Variants in PAPPA2 observed in about 807,000 individuals in gnomAD.
PAPPA2 encodes the protein pappalysin-2.
Under a neutral mutation model 176.4 loss-of-function variants are expected in PAPPA2, and 86 were observed. That is an observed-to-expected ratio of 0.49 (90% CI 0.41 to 0.58). The LOEUF is 0.58. PAPPA2 is among the 20% of genes least tolerant of loss of function. The pLI, the probability that PAPPA2 is intolerant of heterozygous loss-of-function variation, is 0.00. For missense variants in PAPPA2, 2,073 were observed against 2,256.9 expected (o/e 0.92, Z 1.65); for synonymous variants, 809 against 852.2 (o/e 0.95, Z 0.88).
chr1:176,704,003 A>G (rs1349736997), intron 9 of PAPPA2, among the ~76,000 whole-genome samples: 2 of 152,010 alleles, frequency 1.3e-5, no homozygotes, highest in Non-Finnish European at 2.9e-5. Context: ...GTGGGTGACC[A>G]CTACTACACT....
At chr1:176,732,301 G>C (rs1165325731) in intron 12 of PAPPA2, among the ~76,000 whole-genome samples, 3 of 152,118 alleles carry the variant, frequency 2.0e-5, no homozygotes, top group African/African-American at 7.2e-5. Flanking sequence ...TTAGAAACTG[G>C]GAGAAAATAT....
chr1:176,773,927 A>G (rs901468413), intron 17 of PAPPA2, among the ~76,000 whole-genome samples: 2 of 152,144 alleles, frequency 1.3e-5, no homozygotes, highest in Admixed American at 1.3e-4. Context: ...GATGGCACGG[A>G]TGGCATATTC....
chr1:176,688,122 T>C (rs1377311644), intron 4 of PAPPA2, among the ~76,000 whole-genome samples: 2 of 152,258 alleles, frequency 1.3e-5, no homozygotes, highest in Non-Finnish European at 2.9e-5. Context: ...ATCCTATTTC[T>C]GAAGATTAGT....
chr1:176,671,526 A>G (rs1401029396), intron 4 of PAPPA2, among the ~76,000 whole-genome samples: 1 of 152,118 alleles, frequency 6.6e-6, no homozygotes, highest in Non-Finnish European at 1.5e-5. Context: ...ACTCCTGAGA[A>G]AAATCCCAGG....
chr1:176,830,417 T>G (rs535521475), intron 21 of PAPPA2, among the ~76,000 whole-genome samples: 1 of 152,218 alleles, frequency 6.6e-6, no homozygotes, highest in Non-Finnish European at 1.5e-5. Context: ...ATGCACAGGG[T>G]TTATTGCTGA....
At position 176,595,492 on chromosome 1, in the gene PAPPA2, G is replaced by C. The variant is rs370986927; in HGVS notation, c.1888G>C (p.Val630Leu). The change falls in exon 3 of 23, where the codon GTG becomes CTG. Residue 630 changes from valine (V) to leucine (L), a missense_variant. By Grantham distance (32) the Val-to-Leu change is conservative. Transcript: ENST00000367662. ...GAACCGCAGGGATGGGCTCTGTCAC[G>C]TGGAGTGTAACAACATGCTGAACGA... The part of the protein sequence containing the change: ...SWNRRDGLCH[V>L]ECNNMLNDFD... 6.2e-7 allele frequency: 1 copy of C among 1,614,118 alleles called. No homozygotes were observed. Among genetic ancestry groups the C allele is most frequent in the Non-Finnish European group, 8.5e-7 (1 of 1,180,050 alleles).
intron 3 of PAPPA2, among the ~76,000 whole-genome samples, chr1:176,619,567 T>C (rs1239395073): frequency 6.6e-6 from 1 of 152,204 alleles, no homozygotes; most frequent in Non-Finnish European, 1.5e-5. Context: ...ATAAAAGCAT[T>C]TATATATAAT....
At chr1:176,731,808 C>T (rs1662172076) in intron 12 of PAPPA2, among the ~76,000 whole-genome samples, 1 of 151,956 alleles carries the variant, frequency 6.6e-6, no homozygotes, top group Middle Eastern at 3.5e-3. Context: ...TACATTCTTA[C>T]ATCTTTTCAA....
chr1:176,471,971 G>A (rs2102466146), intron 1 of PAPPA2, among the ~76,000 whole-genome samples: 1 of 152,278 alleles, frequency 6.6e-6, no homozygotes, highest in Non-Finnish European at 1.5e-5. Context: ...GGATATGGGT[G>A]GCACATTAGA....
At chr1:176,689,802 T>C (rs1259167503) in intron 4 of PAPPA2, among the ~76,000 whole-genome samples, 2 of 152,154 alleles carry the variant, frequency 1.3e-5, no homozygotes, top group African/African-American at 4.8e-5. Flanking sequence ...TCATCTGGGG[T>C]AGTATTTGAA....
intron 21 of PAPPA2, among the ~76,000 whole-genome samples, chr1:176,817,336 CTG>C (rs1021974656): frequency 6.6e-6 from 1 of 152,162 alleles, no homozygotes; most frequent in Non-Finnish European, 1.5e-5. Context: ...ATGTGGAAAA[CTG>C]GAGTCTGCAG....
intron 1 of PAPPA2, among the ~76,000 whole-genome samples, chr1:176,473,029 T>C (rs1229369267): frequency 6.6e-6 from 1 of 152,176 alleles, no homozygotes; most frequent in Non-Finnish European, 1.5e-5. Context: ...CAATGACACA[T>C]CATTATCACC....
intron 3 of PAPPA2, among the ~76,000 whole-genome samples, chr1:176,623,302 G>A (rs1035004340): frequency 6.6e-6 from 1 of 152,154 alleles, no homozygotes; most frequent in African/African-American, 2.4e-5. Context: ...GGTCAGATAA[G>A]TCAATGTATC....
chr1:176,725,566 T>A (rs565898351), intron 12 of PAPPA2, among the ~76,000 whole-genome samples: 4 of 152,178 alleles, frequency 2.6e-5, no homozygotes, highest in Non-Finnish European at 5.9e-5. Flanking sequence ...AGTCATGTGC[T>A]ACAGATACAG....
intron 2 of PAPPA2, among the ~76,000 whole-genome samples, chr1:176,559,729 G>A (rs1419007358): frequency 6.6e-6 from 1 of 152,184 alleles, no homozygotes. Context: ...GTCCCTGGGA[G>A]CCACATACAA....
Position 176,595,193 on chromosome 1 carries a change from T to C in PAPPA2, c.1589T>C (p.Val530Ala), listed in dbSNP as rs1286704459. 46 of 1,613,990 alleles carry C rather than the reference T, an allele frequency of 2.9e-5. No individual in the cohort carries two copies. In the Admixed American group the frequency reaches 7.5e-4, roughly 26 times the overall value. ...RGEKVIRYQV[V>A]NICDDEGLNP... ...GAGAAGGTGATACGCTACCAGGTGG[T>C]GAACATCTGTGATGATGAGGGCCTA... The change falls in exon 3 of 23, where the codon GTG (valine) becomes GCG (alanine). Residue 530 changes from valine to alanine, a missense_variant. Coordinates refer to ENST00000367662, the MANE Select transcript of PAPPA2 (RefSeq NM_020318.3).
chr1:176,842,489 A>C lies in PAPPA2; in HGVS notation c.*35A>C. Reference sequence around the variant, plus strand: ...CAAGCCCCTCCCTCCACTGCCTCAGAGGCAGTAAGAAAGAGAGGCCGACCC... The same window carrying C: ...CAAGCCCCTCCCTCCACTGCCTCAGCGGCAGTAAGAAAGAGAGGCCGACCC... On this transcript the variant is annotated 3_prime_UTR_variant, in exon 23 of 23. Transcript: ENST00000367662. 6.3e-7 allele frequency: 1 copy of C among 1,588,316 alleles called. No individual in the cohort carries two copies. The highest frequency in any genetic ancestry group is 8.6e-7 in the Non-Finnish European group (1 of 1,157,868).
intron 3 of PAPPA2, among the ~76,000 whole-genome samples, chr1:176,600,243 T>G (rs1030024718): frequency 5.3e-5 from 8 of 152,254 alleles, no homozygotes; most frequent in African/African-American, 1.7e-4. Context: ...TGGCTTTTCT[T>G]TGTCATGGTT....
chr1:176,692,364 G>C (rs201487867), intron 6 of PAPPA2, 46 bp downstream of exon 6: 1 of 1,512,328 alleles, frequency 6.6e-7, no homozygotes, highest in Non-Finnish European at 9.1e-7. Flanking sequence ...TTTCTCTGTG[G>C]CATTTCATAT....
Sources: gnomAD v4.1 joint callset for allele counts (sites outside exome capture counted in the v4.1 genomes callset) on GRCh38, gnomAD v4.1.1 for gene constraint, MANE v1.5 for transcripts, NCBI Gene and HGNC (gene_info 2026-07-23, HGNC 2026-07-21) for gene names.